The following LITAF variants were observed in gnomAD, a reference collection of about 807,000 sequenced individuals.
LITAF encodes the protein lipopolysaccharide-induced tumor necrosis factor-alpha factor.
LITAF carries 9 observed loss-of-function variants against 14.5 expected under a neutral mutation model. The ratio of observed to expected loss-of-function variants is 0.62; its 90% CI spans 0.37 to 1.08. The LOEUF is 1.08. Ranked by LOEUF, LITAF falls within the 50% of genes least tolerant of loss-of-function variation. The pLI, the probability that LITAF is intolerant of heterozygous loss-of-function variation, is 0.01. For synonymous variants in LITAF, 98 were observed against 88.2 expected (o/e 1.11, Z -0.62); for missense variants, 206 against 213.4 (o/e 0.97, Z 0.22).
intron 1 of LITAF, among the ~76,000 whole-genome samples, chr16:11,571,732 G>A (rs569173264): frequency 2.5e-4 from 38 of 152,282 alleles, no homozygotes; most frequent in African/African-American, 8.9e-4. Context: ...CTCTGGGAGG[G>A]ACTGTGCTCA....
chr16:11,618,505 G>T (rs552893949), intron 3 of LITAF, among the ~76,000 whole-genome samples: 75 of 152,336 alleles, frequency 4.9e-4, no homozygotes, highest in African/African-American at 1.7e-3. Context: ...TGCTGGCCAT[G>T]CAGCTGGTGT....
In LITAF at chr16:11,570,532, T is replaced by C. The variant is rs946735217; in HGVS notation, c.-5-13797A>G. 2.6e-5 allele frequency among the ~76,000 whole-genome samples: 4 copies of C among 152,122 alleles called. No homozygotes were observed. The East Asian group carries it at 5.8e-4, about 22-fold the overall frequency. On this transcript the variant is annotated intron_variant, in intron 1 of 3. Coordinates refer to ENST00000622633, the MANE Select transcript of LITAF (RefSeq NM_001136472.2). ...ACCCGCAGTGTGGGCGACAGAATAATGCTCCCCAAAATTGTTCACAGCCTA... is the reference window on the plus strand; with the variant it reads ...ACCCGCAGTGTGGGCGACAGAATAACGCTCCCCAAAATTGTTCACAGCCTA...
At chr16:11,581,412 C>A (rs2064731852) in intron 1 of LITAF, among the ~76,000 whole-genome samples, 1 of 152,104 alleles carries the variant, frequency 6.6e-6, no homozygotes, top group South Asian at 2.1e-4. Context: ...TTTGAGAGGC[C>A]AAGATGGATG....
At chr16:11,625,940 G>A (rs2141899952) in intron 3 of LITAF, among the ~76,000 whole-genome samples, 1 of 152,176 alleles carries the variant, frequency 6.6e-6, no homozygotes. Flanking sequence ...TGAGGAAATG[G>A]AAGCACAGAG....
chr16:11,563,875 T>C (rs2064411509), intron 1 of LITAF, among the ~76,000 whole-genome samples: 1 of 152,024 alleles, frequency 6.6e-6, no homozygotes, highest in African/African-American at 2.4e-5. Context: ...GGGGGCGTGC[T>C]TGTCAACCCA....
intron 1 of LITAF, among the ~76,000 whole-genome samples, chr16:11,572,976 T>C (rs1427132962): frequency 6.7e-6 from 1 of 149,978 alleles, no homozygotes; most frequent in African/African-American, 2.5e-5. Context: ...TCAACCAAGC[T>C]GGCATGCAGT....
chr16:11,611,666 C>CT (rs778921315), intron 3 of LITAF, among the ~76,000 whole-genome samples: 20,287 of 142,628 alleles, frequency 0.14, 1,721 homozygotes, highest in Non-Finnish European at 0.21. Context: ...TTTTCTTTTT[C>CT]TTTTTTTTTT....
At chr16:11,626,155 C>T (rs534361788) in intron 3 of LITAF, among the ~76,000 whole-genome samples, 3 of 152,080 alleles carry the variant, frequency 2.0e-5, no homozygotes, top group East Asian at 3.9e-4. Flanking sequence ...AAAGATCCCA[C>T]TACTTTACTT....
chr16:11,596,909 G>A (rs1008338041), intron 1 of LITAF, among the ~76,000 whole-genome samples: 1 of 151,998 alleles, frequency 6.6e-6, no homozygotes, highest in Non-Finnish European at 1.5e-5. Flanking sequence ...GAATGTAAAA[G>A]CACTTTTACA....
chr16:11,580,730 T>C (rs761274061), intron 1 of LITAF, among the ~76,000 whole-genome samples: 3 of 152,178 alleles, frequency 2.0e-5, no homozygotes, highest in Non-Finnish European at 4.4e-5. Flanking sequence ...CTATAACCTA[T>C]CACCACCTGC....
At position 11,549,609 on chromosome 16, in the gene LITAF, C is replaced by T. The variant is rs1244713321; in HGVS notation, c.*28G>A. Reference sequence around the variant, plus strand: ...GAGGTGGAAAGGACTTCCTGCGGCACCCGGCTCCCTCCACGTCTGGCTGAG... The same window carrying T: ...GAGGTGGAAAGGACTTCCTGCGGCATCCGGCTCCCTCCACGTCTGGCTGAG... On this transcript the variant is annotated 3_prime_UTR_variant, in exon 4 of 4. Transcript: ENST00000622633. The surrounding 1 kb of genome is among the most constrained non-coding windows in gnomAD (Gnocchi z 4.6). 6.4e-7 allele frequency: 1 copy of T among 1,560,026 alleles called. No individual in the cohort carries two copies. Among genetic ancestry groups the T allele is most frequent in the Non-Finnish European group, 8.8e-7 (1 of 1,135,358 alleles).
rs1345441 is a variant in LITAF, at chr16:11,585,967, T to C, written c.-6+919A>G. Among the ~76,000 whole-genome samples, 48,600 of 152,000 alleles carry C rather than the reference T, an allele frequency of 0.32. 8,245 individuals are homozygous for C. Among genetic ancestry groups the C allele is most frequent in the Non-Finnish European group, 0.36 (24,438 of 67,930 alleles). ...AAGCATGACTGGCCCTTCCAGAACA[T>C]ACACCTTTCCCCTATCACCTCCTCT... is the stretch of plus-strand genomic sequence containing the variant. On this transcript the variant is annotated intron_variant, in intron 1 of 3. Transcript: ENST00000622633.
intron 3 of LITAF, among the ~76,000 whole-genome samples, chr16:11,613,156 C>T (rs1324871137): frequency 6.6e-6 from 1 of 152,214 alleles, no homozygotes; most frequent in Non-Finnish European, 1.5e-5. Context: ...TCTCCTGCCT[C>T]ATCCTCCCGA....
In LITAF at chr16:11,547,926, A is replaced by G. The variant is rs2064128940; in HGVS notation, c.*1711T>C. The G allele has an allele frequency of 4.4e-6, 2 of 454,132 alleles. No individual in the cohort carries two copies. The highest frequency in any genetic ancestry group is 4.7e-5 in the Admixed American group (2 of 42,574). The allele number at this position is 454,132 out of a possible 1,614,324, so 28.1% of individuals were successfully genotyped here. Reference sequence around the variant, plus strand: ...ATTTTCTACCGTTACTGAACAAATAAAGGTTCTTTGTAGCAATGGCTGGAA... The same window carrying G: ...ATTTTCTACCGTTACTGAACAAATAGAGGTTCTTTGTAGCAATGGCTGGAA... On this transcript the variant is annotated 3_prime_UTR_variant, in exon 4 of 4. Transcript: ENST00000622633.
At chr16:11,617,639 C>T (rs372889412) in intron 3 of LITAF, among the ~76,000 whole-genome samples, 1 of 151,768 alleles carries the variant, frequency 6.6e-6, no homozygotes, top group African/African-American at 2.4e-5. Flanking sequence ...ATTGGCCAGA[C>T]TGGTCTCGAA....
At chr16:11,567,915 C>T (rs866246861) in intron 1 of LITAF, among the ~76,000 whole-genome samples, 9 of 151,962 alleles carry the variant, frequency 5.9e-5, no homozygotes, top group Middle Eastern at 3.4e-3. Flanking sequence ...ACCCAGGAGG[C>T]GGAGGTTGCA....
In LITAF at chr16:11,555,441, G is replaced by A. The variant is rs538482948; in HGVS notation, c.220+1070C>T. Among the ~76,000 whole-genome samples the A allele has an allele frequency of 6.6e-5, 10 of 152,236 alleles. No individual in the cohort carries two copies. In the East Asian group the frequency reaches 1.4e-3, roughly 21 times the overall value. On this transcript the variant is annotated intron_variant, in intron 2 of 3. Coordinates refer to ENST00000622633, the MANE Select transcript of LITAF (RefSeq NM_001136472.2). ...GGAGGCCAAGGGAGGTGGGAAGATC[G>A]TTTGAGCTCAGGAGTTAAAGATCAG...
At chr16:11,602,064 ACT>A (rs553315640), upstream of LITAF, among the ~76,000 whole-genome samples, 16 of 152,054 alleles carry the variant, frequency 1.1e-4, 1 homozygote, top group Non-Finnish European at 2.2e-4. Flanking sequence ...CAATAAGATA[ACT>A]CTGCCCAATG....
At position 11,632,190 on chromosome 16, in the gene LITAF, C is replaced by G. The variant is rs962645470; in HGVS notation, c.85+1343G>C. On this transcript the variant is annotated intron_variant, in intron 3 of 3. Coordinates refer to the LITAF transcript ENST00000574848. The surrounding 1 kb of genome is among the most constrained non-coding windows in gnomAD (Gnocchi z 4.8). ...CCTCGCAAAGAACCTATTTTCAAAT[C>G]AGGTCACCTTCACAAGTGCTGGGAG... Among the ~76,000 whole-genome samples, 3 of 152,104 alleles carry G rather than the reference C, an allele frequency of 2.0e-5. No individual in the cohort carries two copies. The highest frequency in any genetic ancestry group is 4.4e-5 in the Non-Finnish European group (3 of 68,020).
Sources: gnomAD v4.1 joint callset for allele counts (sites outside exome capture counted in the v4.1 genomes callset) on GRCh38, gnomAD v4.1.1 for gene constraint, Gnocchi (gnomAD v3.1) non-coding constraint, MANE v1.5 for transcripts, NCBI Gene and HGNC (gene_info 2026-07-23, HGNC 2026-07-21) for gene names.